Variants in STAG2 observed in about 807,000 individuals in gnomAD.
The protein encoded by STAG2 is STAG2 cohesin complex component.
Under a neutral mutation model 108.1 loss-of-function variants are expected in STAG2, and 14 were observed. The observed-to-expected ratio is 0.13, with a 90% CI of 0.09 to 0.20. The LOEUF (loss-of-function observed/expected upper bound fraction) is 0.20. STAG2 is among the 10% of genes least tolerant of loss of function. STAG2 has a pLI of 1.00. For missense variants in STAG2, 440 were observed against 940.9 expected, an observed-to-expected ratio of 0.47 and a Z score of 6.96; for synonymous variants, 307 against 302.7, an observed-to-expected ratio of 1.01 and a Z score of -0.15.
chrX:124,061,839 T>C lies in STAG2; in HGVS notation c.1603T>C (p.Cys535Arg). ...MLCTIRQAAE[C>R]HPPVGRGTGK... ...TTGTACCATTAGACAAGCGGCTGAA[T>C]GTCATCCTCCCGTGGGAAGAGGGAC... Residue 535 changes from cysteine to arginine, a missense_variant, in exon 17 of 35, where the codon TGT becomes CGT. By Grantham distance (180) the Cys-to-Arg change is radical. Transcript: ENST00000371145. The C allele has an allele frequency of 8.4e-7, 1 of 1,195,993 alleles. No homozygotes were observed. Among genetic ancestry groups the C allele is most frequent in the Non-Finnish European group, 1.1e-6 (1 of 887,826 alleles).
At position 123,973,479 on chromosome X, in the gene STAG2, T is replaced by C. The variant is rs1294672850; in HGVS notation, c.-163+11623T>C. 6.8e-5 allele frequency among the ~76,000 whole-genome samples: 7 copies of C among 102,424 alleles called. No individual in the cohort carries two copies. In the East Asian group the frequency reaches 2.1e-3, roughly 31 times the overall value. 88.9% of individuals were successfully genotyped at this position (102,424 alleles called of 115,157 possible). ...ATTGCTTGAACCCGGGAGGCTGAGA[T>C]TGCAGTGAGCCGAGATCGTGCCACA... On this transcript the variant is annotated intron_variant, in intron 1 of 34. Coordinates refer to ENST00000371145, the MANE Select transcript of STAG2 (RefSeq NM_001042750.2).
At chrX:124,091,438 A>T (rs977505556) in intron 32 of STAG2, among the ~76,000 whole-genome samples, 20 of 111,424 alleles carry the variant, frequency 1.8e-4, no homozygotes, top group South Asian at 3.7e-4. Context: ...TTACCATGTA[A>T]CTCTTACTTA....
Position 124,051,383 on chromosome X carries a change from T to C in STAG2, c.1185T>C (p.Thr395=), listed in dbSNP as rs1199333689. 6 of 1,184,403 alleles carry C rather than the reference T, an allele frequency of 5.1e-6. No homozygotes were observed. The African/African-American group carries it at 7.1e-5, about 14-fold the overall frequency. The change falls in exon 13 of 35, where the codon ACT becomes ACC. Residue 395 remains threonine, a synonymous_variant. Transcript: ENST00000371145. ...DVAVQAIKLL[T]LVLQSSEEVL... ...CAGTACAAGCAATAAAATTACTCAC[T>C]CTTGTTTTACAGTAAGTATGTATTT...
At chrX:124,030,933 A>T in intron 4 of STAG2, 28 bp from the exon 5 acceptor site, 1 of 1,178,157 alleles carries the variant, frequency 8.5e-7, no homozygotes, top group African/African-American at 1.8e-5. Flanking sequence ...TAGTGATATA[A>T]CTTAACCACC....
intron 5 of STAG2, among the ~76,000 whole-genome samples, chrX:124,034,907 C>T (rs749453035): frequency 1.9e-4 from 18 of 94,957 alleles, no homozygotes; most frequent in African/African-American, 6.5e-4. Flanking sequence ...TTATTATTAT[C>T]ATTATTCGAG....
At chrX:124,038,389 T>C (rs755070058) in intron 6 of STAG2, among the ~76,000 whole-genome samples, 12 of 109,673 alleles carry the variant, frequency 1.1e-4, no homozygotes, top group African/African-American at 3.6e-4. Flanking sequence ...GGCAAATACA[T>C]TTTATGGAGA....
chrX:124,038,881 T>A (rs188037232), intron 6 of STAG2, among the ~76,000 whole-genome samples: 142 of 111,711 alleles, frequency 1.3e-3, no homozygotes, highest in Admixed American at 4.0e-3. Flanking sequence ...GTCATGATGT[T>A]ACTATGGTAT....
At chrX:124,056,065 G>T in intron 13 of STAG2, 63 bp from the exon 14 acceptor site, 1 of 663,915 alleles carries the variant, frequency 1.5e-6, no homozygotes, top group Non-Finnish European at 2.2e-6. Flanking sequence ...ATAAGTTTTT[G>T]TACTGTTAAT....
At position 124,003,289 on chromosome X, in the gene STAG2, AG is replaced by A. The variant is rs760927570; in HGVS notation, c.-162-18077del. Among the ~76,000 whole-genome samples the A allele has an allele frequency of 3.8e-3, 427 of 110,983 alleles. 1 individual carries two copies. Among genetic ancestry groups the A allele is most frequent in the African/African-American group, 0.013 (399 of 30,569 alleles). On this transcript the variant is annotated intron_variant, in intron 1 of 34. Transcript: ENST00000371145. The stretch of plus-strand genomic sequence containing the variant: ...GCCCACACCTGATATTTTTAATTAC[AG>A]TTGCTAATCTTGTTTGCGTCACTGA...
chrX:124,048,245 T>C (rs980904183), intron 9 of STAG2, among the ~76,000 whole-genome samples: 3 of 112,030 alleles, frequency 2.7e-5, no homozygotes, highest in African/African-American at 9.7e-5. Flanking sequence ...ATTTCTGAAA[T>C]AGTTAATAAC....
intron 26 of STAG2, among the ~76,000 whole-genome samples, chrX:124,076,994 G>A (rs1015417808): frequency 9.0e-6 from 1 of 111,122 alleles, no homozygotes; most frequent in African/African-American, 3.3e-5. Context: ...GTTTTGTTAA[G>A]TTGAAAGTAG....
At chrX:123,973,845 A>T (rs2054491889) in intron 1 of STAG2, among the ~76,000 whole-genome samples, 2 of 101,499 alleles carry the variant, frequency 2.0e-5, no homozygotes, top group African/African-American at 7.3e-5. Context: ...ACTCCCTCTC[A>T]AAAAAAAAAA....
At chrX:124,024,173 C>T (rs1417140059) in intron 3 of STAG2, among the ~76,000 whole-genome samples, 1 of 110,603 alleles carries the variant, frequency 9.0e-6, no homozygotes, top group Non-Finnish European at 1.9e-5. Flanking sequence ...TAGTGCTTCA[C>T]TCTTAGTTGG....
intron 1 of STAG2, among the ~76,000 whole-genome samples, chrX:123,992,052 G>GC (rs1451905005): frequency 8.9e-6 from 1 of 112,359 alleles, no homozygotes; most frequent in Non-Finnish European, 1.9e-5. Flanking sequence ...GATGTACGTA[G>GC]GTTAGATGCA....
chrX:124,062,401 G>A (rs1228050955), intron 17 of STAG2, among the ~76,000 whole-genome samples: 1 of 111,986 alleles, frequency 8.9e-6, no homozygotes, highest in Non-Finnish European at 1.9e-5. Flanking sequence ...GTGCATAACT[G>A]AAACAAAATT....
In STAG2 at chrX:124,038,022, C is replaced by T. The variant is rs143729982; in HGVS notation, c.385+399C>T. On this transcript the variant is annotated intron_variant, in intron 6 of 34. Transcript: ENST00000371145. ...AGTGCCATGAATAACAGTAAGTAAG[C>T]AAGCAAGCAAGTAAGTAAGTTACGT... Among the ~76,000 whole-genome samples the T allele has an allele frequency of 4.8e-4, 54 of 111,396 alleles. 2 individuals are homozygous for T. The East Asian group carries it at 0.013, about 26-fold the overall frequency.
In STAG2 at chrX:124,026,352, T is replaced by C. The variant is rs1278343912; in HGVS notation, c.123+434T>C. On this transcript the variant is annotated intron_variant, in intron 4 of 34. Coordinates refer to ENST00000371145, the MANE Select transcript of STAG2 (RefSeq NM_001042750.2). ...AAGGCTAATGGGTTACAAATGACAA[T>C]AGTTTTACTCTTTATAAGTAATATG... is the stretch of plus-strand genomic sequence containing the variant. Among the ~76,000 whole-genome samples the C allele has an allele frequency of 4.5e-5, 5 of 110,718 alleles. No homozygotes were observed. The Admixed American group carries it at 4.8e-4, about 11-fold the overall frequency.
At chrX:123,994,185 C>T (rs761358329) in intron 1 of STAG2, among the ~76,000 whole-genome samples, 174 of 111,425 alleles carry the variant, frequency 1.6e-3, no homozygotes, top group African/African-American at 5.3e-3. Flanking sequence ...AAGAGAGAAC[C>T]CAAGGGATAG....
chrX:124,040,841 T>C (rs186493358), intron 6 of STAG2, among the ~76,000 whole-genome samples: 1,270 of 103,072 alleles, frequency 0.012, 30 homozygotes, highest in African/African-American at 0.043. Context: ...TGTTTTCTCT[T>C]CTCCTCTTCT....
Sources: allele counts gnomAD v4.1 joint callset (sites outside exome capture counted in the v4.1 genomes callset), GRCh38; gene constraint gnomAD v4.1.1; transcripts MANE v1.5; gene names NCBI Gene and HGNC (gene_info 2026-07-23, HGNC 2026-07-21).